Variants in PITPNM2 observed in about 807,000 individuals in gnomAD.
The protein encoded by PITPNM2 is membrane-associated phosphatidylinositol transfer protein 2.
Under a neutral mutation model 132.2 loss-of-function variants are expected in PITPNM2, and 35 were observed. The ratio of observed to expected loss-of-function variants is 0.26; its 90% CI spans 0.20 to 0.35. PITPNM2 has a LOEUF of 0.35. Among genes scored for constraint, PITPNM2 ranks in the 10% least tolerant of loss-of-function variants. PITPNM2 has a pLI of 1.00. For synonymous variants in PITPNM2, 738 were observed against 799.2 expected, an observed-to-expected ratio of 0.92 and a Z score of 1.29; for missense variants, 1,332 against 1,912.0, an observed-to-expected ratio of 0.70 and a Z score of 5.66.
chr12:123,047,913 A>C (rs532609610), intron 2 of PITPNM2, among the ~76,000 whole-genome samples: 1 of 152,282 alleles, frequency 6.6e-6, no homozygotes, highest in Admixed American at 6.5e-5. Context: ...ATCCTGGCCA[A>C]CATGGTGAAA....
At chr12:123,026,465 T>C (rs775156845) in intron 3 of PITPNM2, among the ~76,000 whole-genome samples, 2 of 152,234 alleles carry the variant, frequency 1.3e-5, no homozygotes, top group Non-Finnish European at 2.9e-5. Flanking sequence ...TTTCAAGCTA[T>C]GCAGTTTGTG....
At chr12:123,032,727 T>C (rs1370029178) in intron 3 of PITPNM2, among the ~76,000 whole-genome samples, 1 of 152,168 alleles carries the variant, frequency 6.6e-6, no homozygotes, top group Non-Finnish European at 1.5e-5. Context: ...AGCCTGGTCC[T>C]TGAACACGCT....
intron 3 of PITPNM2, among the ~76,000 whole-genome samples, chr12:123,028,569 T>A (rs2039951643): frequency 6.6e-6 from 1 of 152,192 alleles, no homozygotes; most frequent in Non-Finnish European, 1.5e-5. Flanking sequence ...CATCCCCCTC[T>A]GCAACTCAGC....
intron 3 of PITPNM2, 114 bp from the exon 4 acceptor site, chr12:123,014,156 C>T (rs1005151030): frequency 1.9e-5 from 21 of 1,110,274 alleles, no homozygotes; most frequent in South Asian, 7.4e-5. Context: ...CTTTGGTCAA[C>T]GAGGCTGGCT....
In PITPNM2 at chr12:123,108,465, G is replaced by C. The variant is rs1328009662; in HGVS notation, c.-96+1920C>G. On this transcript the variant is annotated intron_variant, in intron 2 of 25. Transcript: ENST00000320201. This position sits in a 1 kb window ranked among gnomAD's most constrained non-coding sequence, Gnocchi z 4.4. ...CATGCAGGGCAGAAGAGCTCTCACCGGGCCCTGCCTCGACTTGGCAGCCAA... is the reference window on the plus strand; with the variant it reads ...CATGCAGGGCAGAAGAGCTCTCACCCGGCCCTGCCTCGACTTGGCAGCCAA... 6.6e-6 allele frequency among the ~76,000 whole-genome samples: 1 copy of C among 152,062 alleles called. No individual in the cohort carries two copies. The highest frequency in any genetic ancestry group is 1.5e-5 in the Non-Finnish European group (1 of 68,018).
At chr12:122,998,387 T>C (rs2136139055) in intron 10 of PITPNM2, among the ~76,000 whole-genome samples, 1 of 152,234 alleles carries the variant, frequency 6.6e-6, no homozygotes, top group East Asian at 1.9e-4. Flanking sequence ...TGCTCCAGGC[T>C]GGGGGACTGG....
chr12:123,145,586 GGAGA>G (rs1565884791), intron 1 of PITPNM2, among the ~76,000 whole-genome samples: 1 of 152,192 alleles, frequency 6.6e-6, no homozygotes. Flanking sequence ...ACTTCAACAA[GGAGA>G]GTGTGAAACT....
Position 123,134,261 on chromosome 12 carries a change from T to C in PITPNM2, c.-200+16492A>G, listed in dbSNP as rs182494682. Among the ~76,000 whole-genome samples, 112 of 151,932 alleles carry C rather than the reference T, an allele frequency of 7.4e-4. 2 individuals carry two copies. Among genetic ancestry groups the C allele is most frequent in the African/African-American group, 2.6e-3 (109 of 41,444 alleles). On this transcript the variant is annotated intron_variant, in intron 1 of 25. Transcript: ENST00000320201. ...TGTATTTTTAGTAGAGACAGGGTTTTACCATGTTAGCCAAGATGGTCGCGA... is the reference window on the plus strand; with the variant it reads ...TGTATTTTTAGTAGAGACAGGGTTTCACCATGTTAGCCAAGATGGTCGCGA...
intron 3 of PITPNM2, among the ~76,000 whole-genome samples, chr12:123,024,879 G>A (rs2039798328): frequency 1.3e-5 from 2 of 152,120 alleles, no homozygotes; most frequent in Non-Finnish European, 2.9e-5. Context: ...CACTTTAAAT[G>A]GATGAGTCAT....
intron 1 of PITPNM2, among the ~76,000 whole-genome samples, chr12:123,137,905 A>G (rs12366787): frequency 0.069 from 10,355 of 150,034 alleles, 549 homozygotes; most frequent in African/African-American, 0.14. Flanking sequence ...AAAAAAAAAA[A>G]AAGAAGAAGA....
In PITPNM2 at chr12:122,993,357, G is replaced by A. The variant is rs1220476840; in HGVS notation, c.2234-688C>T. ...CAAATGGGGCAGCAGTTCCAACCAC[G>A]TCATGGAGTTAAGGAGATCACGTGA... On this transcript the variant is annotated intron_variant, in intron 15 of 25. Coordinates refer to ENST00000320201, the MANE Select transcript of PITPNM2 (RefSeq NM_020845.3). The surrounding 1 kb of genome is among the most constrained non-coding windows in gnomAD (Gnocchi z 5.2). Among the ~76,000 whole-genome samples, 2 of 152,194 alleles carry A rather than the reference G, an allele frequency of 1.3e-5. No homozygotes were observed. The highest frequency in any genetic ancestry group is 2.4e-5 in the African/African-American group (1 of 41,452).
intron 6 of PITPNM2, among the ~76,000 whole-genome samples, chr12:123,007,871 G>T (rs967558524): frequency 6.6e-6 from 1 of 152,112 alleles, no homozygotes; most frequent in South Asian, 2.1e-4. Flanking sequence ...ACCCCCAGGA[G>T]TTGCCTCCTC....
intron 1 of PITPNM2, among the ~76,000 whole-genome samples, chr12:123,148,291 T>C (rs953757519): frequency 1.3e-5 from 2 of 152,216 alleles, no homozygotes; most frequent in Non-Finnish European, 2.9e-5. Context: ...AGTTGAGAAC[T>C]GGCGTACAAT....
intron 2 of PITPNM2, chr12:123,075,458 G>C (rs1310032663): frequency 6.6e-6 from 1 of 152,256 alleles, no homozygotes; most frequent in Non-Finnish European, 1.5e-5. Context: ...AAATAAATCA[G>C]ACTTTCTCCT....
At chr12:123,024,518 C>T (rs1249696298) in intron 3 of PITPNM2, among the ~76,000 whole-genome samples, 2 of 152,136 alleles carry the variant, frequency 1.3e-5, no homozygotes, top group Non-Finnish European at 2.9e-5. Context: ...GTGGAAACAA[C>T]CCAAATGTCC....
chr12:123,122,974 T>C (rs777626601), intron 1 of PITPNM2, among the ~76,000 whole-genome samples: 12 of 152,202 alleles, frequency 7.9e-5, no homozygotes, highest in Admixed American at 2.0e-4. Flanking sequence ...AATTTAGCAA[T>C]TGCTAACAAA....
At chr12:123,043,644 G>T (rs186416158) in intron 2 of PITPNM2, among the ~76,000 whole-genome samples, 4 of 152,242 alleles carry the variant, frequency 2.6e-5, no homozygotes, top group African/African-American at 9.6e-5. Context: ...CGTGGGGCTT[G>T]CAGTGCTCTG....
chr12:123,032,091 C>G (rs767410931), intron 3 of PITPNM2, among the ~76,000 whole-genome samples: 1 of 152,232 alleles, frequency 6.6e-6, no homozygotes, highest in African/African-American at 2.4e-5. Flanking sequence ...CGGGGCCTGG[C>G]TGCACAGCTG....
At chr12:123,090,982 G>A (rs1235362767) in intron 2 of PITPNM2, 1 of 152,300 alleles carries the variant, frequency 6.6e-6, no homozygotes. Flanking sequence ...CAGAGAGAAC[G>A]AATTGGTGGT....
Sources: allele counts gnomAD v4.1 joint callset (sites outside exome capture counted in the v4.1 genomes callset), GRCh38; gene constraint gnomAD v4.1.1; non-coding constraint Gnocchi (gnomAD v3.1); transcripts MANE v1.5; gene names NCBI Gene and HGNC (gene_info 2026-07-23, HGNC 2026-07-21).